Variants in CCDC192 observed in about 807,000 individuals in gnomAD.
CCDC192 encodes coiled-coil domain containing 192, also known as coiled-coil domain-containing protein 192.
At chr5:127,927,422 G>T (rs1463492006) in intron 6 of CCDC192, among the ~76,000 whole-genome samples, 1 of 152,036 alleles carries the variant, frequency 6.6e-6, no homozygotes, top group East Asian at 1.9e-4. Context: ...GGCATCCACG[G>T]GGGGTCTTGG....
rs572919273 is a variant in CCDC192, at chr5:127,926,317, A to G, written c.536-14865A>G. ...CTCAGGCCACATTTAGTTCACTTTA[A>G]CAATCTGATAAGTGACTCCTCATCA... On this transcript the variant is annotated intron_variant, in intron 6 of 6. Coordinates refer to ENST00000514853, the MANE Select transcript of CCDC192 (RefSeq NM_001317938.2). Among the ~76,000 whole-genome samples, 4 of 152,310 alleles carry G rather than the reference A, an allele frequency of 2.6e-5. No individual in the cohort carries two copies. In the Middle Eastern group the frequency reaches 0.01, roughly 389 times the overall value.
chr5:127,849,921 C>CG (rs1750723077), intron 5 of CCDC192, among the ~76,000 whole-genome samples: 1 of 151,780 alleles, frequency 6.6e-6, no homozygotes, highest in Admixed American at 6.6e-5. Context: ...ATTTATTATA[C>CG]CTACCAGACT....
At chr5:127,737,259 C>A (rs1463017101) in intron 2 of CCDC192, among the ~76,000 whole-genome samples, 4 of 151,980 alleles carry the variant, frequency 2.6e-5, no homozygotes, top group African/African-American at 7.3e-5. Context: ...ATTCTTAATC[C>A]TGAGTTCTAG....
chr5:127,804,007 G>A (rs1757646676), intron 5 of CCDC192, among the ~76,000 whole-genome samples: 1 of 152,160 alleles, frequency 6.6e-6, no homozygotes, highest in Non-Finnish European at 1.5e-5. Context: ...GGAAGCTCAG[G>A]GTGAGGAACT....
At chr5:127,857,430 T>C (rs1175764946) in intron 5 of CCDC192, among the ~76,000 whole-genome samples, 1 of 152,210 alleles carries the variant, frequency 6.6e-6, no homozygotes, top group Non-Finnish European at 1.5e-5. Context: ...GACTAAGCTA[T>C]TGAATTAATA....
chr5:127,790,938 G>C (rs764403413), intron 3 of CCDC192, among the ~76,000 whole-genome samples: 2 of 152,064 alleles, frequency 1.3e-5, no homozygotes, highest in Non-Finnish European at 2.9e-5. Context: ...TCACATATTT[G>C]CTTACAAAAA....
At chr5:127,722,302 A>G (rs1486011163) in intron 2 of CCDC192, among the ~76,000 whole-genome samples, 2 of 150,084 alleles carry the variant, frequency 1.3e-5, no homozygotes, top group Middle Eastern at 3.2e-3. Context: ...CTCATTTTTA[A>G]TTAGAGTACT....
intron 5 of CCDC192, among the ~76,000 whole-genome samples, chr5:127,829,639 G>A (rs182465618): frequency 1.6e-3 from 251 of 152,270 alleles, no homozygotes; most frequent in Non-Finnish European, 2.8e-3. Flanking sequence ...TATTTGCAAA[G>A]AAAATTAGAT....
chr5:127,853,587 A>G (rs922762856), intron 5 of CCDC192, among the ~76,000 whole-genome samples: 23 of 152,148 alleles, frequency 1.5e-4, no homozygotes, highest in African/African-American at 5.3e-4. Context: ...AGCCTGGCCA[A>G]CGTGGTGAAA....
intron 3 of CCDC192, among the ~76,000 whole-genome samples, chr5:127,774,823 A>C (rs1039904487): frequency 3.9e-5 from 6 of 152,174 alleles, no homozygotes; most frequent in African/African-American, 1.2e-4. Context: ...GATTGCATTA[A>C]ATCTGTAGGT....
At chr5:127,851,526 C>G (rs551592377) in intron 5 of CCDC192, among the ~76,000 whole-genome samples, 1 of 152,264 alleles carries the variant, frequency 6.6e-6, no homozygotes, top group African/African-American at 2.4e-5. Flanking sequence ...GGCATGATCT[C>G]AGCTCACTGC....
At chr5:127,742,377 G>A (rs1753469029) in intron 2 of CCDC192, among the ~76,000 whole-genome samples, 1 of 152,094 alleles carries the variant, frequency 6.6e-6, no homozygotes, top group Non-Finnish European at 1.5e-5. Flanking sequence ...TGGACAAGTA[G>A]TTAAATCTTT....
At chr5:127,841,385 A>G (rs1177457562) in intron 5 of CCDC192, among the ~76,000 whole-genome samples, 1 of 152,190 alleles carries the variant, frequency 6.6e-6, no homozygotes, top group Non-Finnish European at 1.5e-5. Flanking sequence ...GATGGGGTTG[A>G]AGGGAATGAC....
At chr5:127,930,774 C>T (rs1754005759) in intron 6 of CCDC192, among the ~76,000 whole-genome samples, 3 of 152,188 alleles carry the variant, frequency 2.0e-5, no homozygotes. Context: ...CCTAATGGAG[C>T]ACTTTGTGCT....
At chr5:127,814,730 G>C (rs999410585) in intron 5 of CCDC192, among the ~76,000 whole-genome samples, 5 of 152,134 alleles carry the variant, frequency 3.3e-5, no homozygotes, top group African/African-American at 9.7e-5. Flanking sequence ...ACTTTAGAAT[G>C]ACTTTCCAGC....
At chr5:127,775,889 T>C (rs116057306) in intron 3 of CCDC192, among the ~76,000 whole-genome samples, 6,695 of 152,248 alleles carry the variant, frequency 0.044, 498 homozygotes, top group African/African-American at 0.15. Context: ...AGATGTCCCT[T>C]TGCTCTTCCT....
intron 6 of CCDC192, among the ~76,000 whole-genome samples, chr5:127,888,907 T>A (rs1752651732): frequency 6.6e-6 from 1 of 152,214 alleles, no homozygotes; most frequent in Admixed American, 6.5e-5. Context: ...TCCTTGTAAG[T>A]CCCAAGAGAG....
chr5:127,835,512 C>T (rs1401940196), intron 5 of CCDC192, among the ~76,000 whole-genome samples: 1 of 152,146 alleles, frequency 6.6e-6, no homozygotes, highest in African/African-American at 2.4e-5. Flanking sequence ...ATCTCTCTCC[C>T]TCTATTAGAA....
intron 2 of CCDC192, among the ~76,000 whole-genome samples, chr5:127,733,681 C>T (rs957875702): frequency 1.3e-5 from 2 of 152,110 alleles, no homozygotes; most frequent in African/African-American, 4.8e-5. Context: ...CCTGTTACTG[C>T]TGCCACCAGA....
Sources: gnomAD v4.1 joint callset for allele counts (sites outside exome capture counted in the v4.1 genomes callset) on GRCh38, gnomAD v4.1.1 for gene constraint, MANE v1.5 for transcripts, NCBI Gene and HGNC (gene_info 2026-07-23, HGNC 2026-07-21) for gene names.